Variants in PCDHA5 observed in about 807,000 individuals in gnomAD.
PCDHA5 encodes the protein protocadherin alpha-5.
PCDHA5 carries 43 observed loss-of-function variants against 61.6 expected under a neutral mutation model. That is an observed-to-expected ratio of 0.70 (90% CI 0.55 to 0.90). The LOEUF is 0.90. Among genes scored for constraint, PCDHA5 ranks in the 40% least tolerant of loss-of-function variants. The probability of loss-of-function intolerance (pLI) is 0.00; values close to 1 mark genes in which losing one functional copy is unlikely to be tolerated. For missense variants in PCDHA5, 1,298 were observed against 1,222.7 expected (o/e 1.06, Z -0.92); for synonymous variants, 627 against 543.9 (o/e 1.15, Z -2.13).
At chr5:140,966,063 C>T (rs2095963895) in intron 1 of PCDHA5, 1 of 153,130 alleles carries the variant, frequency 6.5e-6, no homozygotes, top group African/African-American at 2.4e-5. Flanking sequence ...CAGAGCGCCT[C>T]CCCCTGCGTT....
rs556197231 is a variant in PCDHA5, at chr5:140,969,709, A to C, written c.2353-9240A>C. The stretch of plus-strand genomic sequence containing the variant: ...AAATGGCCTCTGCTGTATCATCTAC[A>C]GGGAAATTTTTCTTTTGAAATCCTA... On this transcript the variant is annotated intron_variant, in intron 1 of 3. Transcript: ENST00000529859. Among the ~76,000 whole-genome samples, 11 of 152,304 alleles carry C rather than the reference A, an allele frequency of 7.2e-5. No individual in the cohort carries two copies. The East Asian group carries it at 1.5e-3, about 21-fold the overall frequency.
intron 1 of PCDHA5, chr5:140,834,765 G>T: frequency 1.2e-6 from 2 of 1,614,098 alleles, no homozygotes; most frequent in African/African-American, 1.3e-5. Context: ...GGACATTAAC[G>T]ACAACCCTCC....
intron 1 of PCDHA5, chr5:140,836,561 G>A (rs1554136082): frequency 1.1e-5 from 18 of 1,613,566 alleles, no homozygotes; most frequent in Admixed American, 1.7e-5. Flanking sequence ...GCTCAGCGCC[G>A]TCCTCTGAGG....
At chr5:140,915,770 A>G (rs1215607027) in intron 1 of PCDHA5, among the ~76,000 whole-genome samples, 4 of 151,908 alleles carry the variant, frequency 2.6e-5, no homozygotes, top group African/African-American at 4.8e-5. Context: ...GTCTTGTCCA[A>G]GGCCTGCTGT....
At position 140,850,386 on chromosome 5, in the gene PCDHA5, A is replaced by G. The variant is rs2041574061; in HGVS notation, c.2352+26259A>G. ...CCGCGTGGGGCTGTACACGGGCGAGATCAGCACAACGCGTGCCCTGGACGA... is the reference window on the plus strand; with the variant it reads ...CCGCGTGGGGCTGTACACGGGCGAGGTCAGCACAACGCGTGCCCTGGACGA... On this transcript the variant is annotated intron_variant, in intron 1 of 3. Coordinates refer to ENST00000529859, the MANE Select transcript of PCDHA5 (RefSeq NM_018908.3). 1.3e-6 allele frequency: 2 copies of G among 1,597,858 alleles called. 1 individual carries two copies. Among genetic ancestry groups the G allele is most frequent in the South Asian group, 2.2e-5 (2 of 90,510 alleles).
intron 1 of PCDHA5, chr5:140,841,468 G>C: frequency 6.2e-7 from 1 of 1,612,986 alleles, no homozygotes; most frequent in Non-Finnish European, 8.5e-7. Flanking sequence ...GCCGGATCGC[G>C]CAGGACCTGG....
rs1360851482 is a variant in PCDHA5 at position 140,821,904 on chromosome 5, C to G, written c.129C>G (p.Phe43Leu). The G allele has an allele frequency of 1.2e-6, 2 of 1,614,220 alleles. No homozygotes were observed. The highest frequency in any genetic ancestry group is 1.7e-6 in the Non-Finnish European group (2 of 1,180,040). ...CGGAGGAAGCCAAACACGGAACCTT[C>G]GTTGGCCGCATCGCGCAGGACCTAG... is the stretch of plus-strand genomic sequence containing the variant. ...SIPEEAKHGT[F>L]VGRIAQDLGL... Residue 43 changes from phenylalanine (F) to leucine (L), a missense_variant, in exon 1 of 4, where the codon TTC (phenylalanine) becomes TTG (leucine). Physicochemically the swap from Phe to Leu is conservative, Grantham distance 22. Transcript: ENST00000529859.
chr5:140,858,068 G>A (rs576753961), intron 1 of PCDHA5: 1 of 1,597,756 alleles, frequency 6.3e-7, no homozygotes, highest in African/African-American at 1.3e-5. Context: ...GGGCAGCCAG[G>A]CACCCAAGGC....
intron 1 of PCDHA5, among the ~76,000 whole-genome samples, chr5:140,961,599 G>T (rs1012408317): frequency 6.6e-6 from 1 of 152,062 alleles, no homozygotes; most frequent in African/African-American, 2.4e-5. Context: ...AATGATTCTA[G>T]TAAATGAAAC....
chr5:140,851,291 C>A, intron 1 of PCDHA5: 1 of 1,030,836 alleles, frequency 9.7e-7, no homozygotes, highest in Non-Finnish European at 1.2e-6. Context: ...GAAACCCAAG[C>A]AAAAATATAT....
chr5:140,871,316 T>C, intron 1 of PCDHA5: 1 of 1,614,034 alleles, frequency 6.2e-7, no homozygotes, highest in South Asian at 1.1e-5. Context: ...AAGCCCACGC[T>C]GGTGTGCTCC....
chr5:140,843,328 G>T lies in PCDHA5; in HGVS notation c.2352+19201G>T, dbSNP rs2150357585. On this transcript the variant is annotated intron_variant, in intron 1 of 3. Coordinates refer to ENST00000529859, the MANE Select transcript of PCDHA5 (RefSeq NM_018908.3). ...CCACGGCCACGGTTCTGGTGTCGCT[G>T]GTGGAGAGCGGCCAGGCTCCAAAAG... 18 of 1,595,922 alleles carry T rather than the reference G, an allele frequency of 1.1e-5. 1 individual carries two copies. The South Asian group carries it at 1.7e-4, about 15-fold the overall frequency.
At chr5:140,829,537 G>T (rs2150169697) in intron 1 of PCDHA5, 4 of 1,612,962 alleles carry the variant, frequency 2.5e-6, no homozygotes, top group Non-Finnish European at 3.4e-6. Flanking sequence ...CGCGAGACGC[G>T]GACGCGCAGG....
At chr5:140,882,629 G>C in intron 1 of PCDHA5, 1 of 1,614,254 alleles carries the variant, frequency 6.2e-7, no homozygotes, top group Non-Finnish European at 8.5e-7. Context: ...CCATGTGGAG[G>C]TGAAGGTGAG....
At chr5:140,924,901 A>AAAAATAAAAT (rs10667761) in intron 1 of PCDHA5, among the ~76,000 whole-genome samples, 205 of 80,488 alleles carry the variant, frequency 2.5e-3, no homozygotes, top group South Asian at 0.019. Flanking sequence ...TCTCAAAAAA[A>AAAAATAAAAT]AAAATAAAAT....
chr5:140,918,572 G>T (rs2153549346), intron 1 of PCDHA5, among the ~76,000 whole-genome samples: 1 of 152,264 alleles, frequency 6.6e-6, no homozygotes, highest in Middle Eastern at 3.4e-3. Context: ...ATATTATGCT[G>T]CTATTGGCTA....
In PCDHA5 at chr5:140,870,881, T is replaced by C. The variant is rs782030647; in HGVS notation, c.2352+46754T>C. 3.7e-6 allele frequency: 6 copies of C among 1,613,870 alleles called. No individual in the cohort carries two copies. The South Asian group carries it at 5.5e-5, about 15-fold the overall frequency. On this transcript the variant is annotated intron_variant, in intron 1 of 3. Transcript: ENST00000529859. ...GGTGCGGGCCACGTGGTGGCGAAGG[T>C]GCGCGCAGTGGATGCGGACTCAGGC...
In PCDHA5 at chr5:140,850,252, G is replaced by GCGC. The variant is rs2150475866; in HGVS notation, c.2352+26128_2352+26130dup. ...AGCGAGATGGTGCTGCGGTCGGTGG[G>GCGC]CGCCGGCGTAGTGGTGGGGAAGGTG... is the stretch of plus-strand genomic sequence containing the variant. On this transcript the variant is annotated intron_variant, in intron 1 of 3. Coordinates refer to ENST00000529859, the MANE Select transcript of PCDHA5 (RefSeq NM_018908.3). 12 of 1,593,714 alleles carry GCGC rather than the reference G, an allele frequency of 7.5e-6. No homozygotes were observed. The East Asian group carries it at 2.7e-4, about 36-fold the overall frequency.
At chr5:140,912,690 A>AG (rs2076029112) in intron 1 of PCDHA5, among the ~76,000 whole-genome samples, 1 of 152,192 alleles carries the variant, frequency 6.6e-6, no homozygotes, top group African/African-American at 2.4e-5. Flanking sequence ...TCCAGGTCTC[A>AG]GGGGGAATGC....
Sources: gnomAD v4.1 joint callset for allele counts (sites outside exome capture counted in the v4.1 genomes callset) on GRCh38, gnomAD v4.1.1 for gene constraint, MANE v1.5 for transcripts, NCBI Gene and HGNC (gene_info 2026-07-23, HGNC 2026-07-21) for gene names.